The following LRP1 variants were observed in gnomAD, a reference collection of about 807,000 sequenced individuals.
LRP1 encodes the protein LDL receptor related protein 1.
Under a neutral mutation model 541.5 loss-of-function variants are expected in LRP1, and 51 were observed. That is an observed-to-expected ratio of 0.09 (90% CI 0.08 to 0.12). The LOEUF (loss-of-function observed/expected upper bound fraction) is 0.12, where lower values mean the gene tolerates loss of function less well. LRP1 is among the 10% of genes least tolerant of loss of function. The pLI is 1.00. For synonymous variants in LRP1, 2,219 were observed against 2,470.8 expected, an observed-to-expected ratio of 0.90 and a Z score of 3.02; for missense variants, 3,878 against 6,376.2, an observed-to-expected ratio of 0.61 and a Z score of 13.34.
rs143655914 is a variant in LRP1, at chr12:57,178,280, C to T, written c.4362-79C>T. On this transcript the variant is annotated intron_variant, in intron 26 of 88. Transcript: ENST00000243077. The surrounding 1 kb of genome is among the most constrained non-coding windows in gnomAD (Gnocchi z 5.8). The stretch of plus-strand genomic sequence containing the variant: ...CGCTGGGAGGGCTGTGGCCAGGGCC[C>T]AGAGGGTGGGCACCTGGGCAGAGCT... The T allele has an allele frequency of 5.3e-5, 82 of 1,541,136 alleles. No homozygotes were observed. The African/African-American group carries it at 8.9e-4, about 17-fold the overall frequency.
chr12:57,165,706 T>C lies in LRP1; in HGVS notation c.2531-99T>C. 1 of 1,264,874 alleles carries C rather than the reference T, an allele frequency of 7.9e-7. No individual in the cohort carries two copies. The highest frequency in any genetic ancestry group is 1.1e-6 in the Non-Finnish European group (1 of 907,984). 78.4% of individuals were successfully genotyped at this position (1,264,874 alleles called of 1,614,324 possible). ...ACTAGAAAAAATTACTTTGTATTAT[T>C]AAAAAATAGTAAAACAAACAAAAAT... On this transcript the variant is annotated intron_variant, in intron 15 of 88. Coordinates refer to ENST00000243077, the MANE Select transcript of LRP1 (RefSeq NM_002332.3). The surrounding 1 kb of genome is among the most constrained non-coding windows in gnomAD (Gnocchi z 4.5).
rs767836952 is a variant in LRP1, at chr12:57,202,563, C to A, written c.10711+26C>A. On this transcript the variant is annotated intron_variant, in intron 68 of 88. Transcript: ENST00000243077. The stretch of plus-strand genomic sequence containing the variant: ...GTACGTCCCCACCCACCCAGCCCCG[C>A]ATGAGCCCCTCCCAGGCCTGGCCCT... 9 of 1,494,730 alleles carry A rather than the reference C, an allele frequency of 6.0e-6. No homozygotes were observed. In the African/African-American group the frequency reaches 7.1e-5, roughly 12 times the overall value. The allele number at this position is 1,494,730 out of a possible 1,614,324, so 92.6% of individuals were successfully genotyped here.
At chr12:57,143,926 G>A (rs1195707498) in intron 4 of LRP1, 128 bp downstream of exon 4, 27 of 1,243,306 alleles carry the variant, frequency 2.2e-5, no homozygotes, top group Admixed American at 2.8e-5. Flanking sequence ...CAAGAGAGGG[G>A]GTGCCACCAC....
intron 3 of LRP1, 67 bp from the exon 4 acceptor site, chr12:57,143,612 G>C (rs1160798331): frequency 3.8e-6 from 6 of 1,565,270 alleles, no homozygotes; most frequent in African/African-American, 1.3e-5. Context: ...TTTAGGGGAA[G>C]GTTGTGGCCT....
Position 57,179,930 on chromosome 12 carries a change from T to G in LRP1, c.5115T>G (p.His1705Gln). 4 of 1,614,102 alleles carry G rather than the reference T, an allele frequency of 2.5e-6. No homozygotes were observed. The highest frequency in any genetic ancestry group is 3.4e-6 in the Non-Finnish European group (4 of 1,180,014). The change falls in exon 30 of 89, where the codon CAT (histidine) becomes CAG (glutamine). Residue 1705 changes from histidine (H) to glutamine (Q), a missense_variant. Transcript: ENST00000243077. The surrounding 1 kb of genome is among the most constrained non-coding windows in gnomAD (Gnocchi z 6.8). The stretch of plus-strand genomic sequence containing the variant: ...TGGTGCAGGGCCTGGAGCAGCCCCA[T>G]GGCCTTGTCGTCCACCCTCTGCGTG... Reference protein sequence around the residue: ...NAVVQGLEQPHGLVVHPLRGK... With the variant: ...NAVVQGLEQPQGLVVHPLRGK...
Position 57,201,763 on chromosome 12 carries a change from T to C in LRP1, c.10469-17T>C. On this transcript the variant is annotated splice_polypyrimidine_tract_variant and intron_variant, in intron 66 of 88. Coordinates refer to ENST00000243077, the MANE Select transcript of LRP1 (RefSeq NM_002332.3). This position sits in a 1 kb window ranked among gnomAD's most constrained non-coding sequence, Gnocchi z 6.4. ...TGGAAGGAGTCTCATCCTCACCCCA[T>C]GCCCACCCGCTTGCAGCCCAGATGA... 1.2e-6 allele frequency: 2 copies of C among 1,613,564 alleles called. No individual in the cohort carries two copies. The highest frequency in any genetic ancestry group is 1.7e-6 in the Non-Finnish European group (2 of 1,179,748).
In LRP1 at chr12:57,197,794, G is replaced by A. The variant is rs907709744; in HGVS notation, c.9282+130G>A. On this transcript the variant is annotated intron_variant, in intron 58 of 88. Coordinates refer to ENST00000243077, the MANE Select transcript of LRP1 (RefSeq NM_002332.3). The surrounding 1 kb of genome is among the most constrained non-coding windows in gnomAD (Gnocchi z 4.5). ...TCCACTAGTCACTATATGACTGCTT[G>A]TTCTAGCTGCTCACTCTCCTCTGGG... 2.8e-6 allele frequency: 3 copies of A among 1,057,898 alleles called. No individual in the cohort carries two copies. Among genetic ancestry groups the A allele is most frequent in the Non-Finnish European group, 2.7e-6 (2 of 743,456 alleles). The allele number at this position is 1,057,898 out of a possible 1,614,324, so 65.5% of individuals were successfully genotyped here. A position where few individuals can be genotyped will look rare whatever the true frequency, so the allele number is the denominator to read the frequency against.
At position 57,201,555 on chromosome 12, in the gene LRP1, C is replaced by G; in HGVS notation, c.10404C>G (p.Pro3468=). Residue 3468 remains proline, a synonymous_variant, in exon 66 of 89, where the codon CCC becomes CCG. Transcript: ENST00000243077. This position sits in a 1 kb window ranked among gnomAD's most constrained non-coding sequence, Gnocchi z 6.4. ...GCTCCATTACCAAACGGTGCATCCC[C>G]CGGGTCTGGGTCTGCGACCGGGACA... ...FQCSITKRCI[P]RVWVCDRDND... is the part of the protein sequence containing the mutation. 1 of 1,614,100 alleles carries G rather than the reference C, an allele frequency of 6.2e-7. No individual in the cohort carries two copies. The highest frequency in any genetic ancestry group is 8.5e-7 in the Non-Finnish European group (1 of 1,180,012).
chr12:57,193,584 A>G lies in LRP1; in HGVS notation c.7703A>G (p.Lys2568Arg), dbSNP rs755302267. The G allele has an allele frequency of 5.0e-6, 8 of 1,613,994 alleles. No individual in the cohort carries two copies. In the Admixed American group the frequency reaches 5.0e-5, roughly 10 times the overall value. ...TTTGCAGACTCCCGCCGCTGCAAGA[A>G]GACTTTCCGGCAGTGCAGCAATGGG... ...PSYCNSRRCK[K>R]TFRQCSNGRC... The change falls in exon 47 of 89, where the codon AAG becomes AGG. Residue 2568 changes from lysine (K) to arginine (R), a missense_variant. Physicochemically the swap from Lys to Arg is conservative, Grantham distance 26 (BLOSUM62 2). This residue lies in a region of LRP1 where 1,100 missense variants were observed against 1,827.4 expected (regional missense o/e 0.60). Transcript: ENST00000243077.
intron 70 of LRP1, chr12:57,203,888 G>A (rs1245358844): frequency 4.1e-6 from 1 of 245,914 alleles, no homozygotes; most frequent in East Asian, 9.2e-5. Flanking sequence ...CCCTTCCTGG[G>A]GGCAGTGAGA....
Position 57,212,704 on chromosome 12 carries a change from C to G in LRP1, c.*149C>G, listed in dbSNP as rs1592669175. The G allele has an allele frequency of 1.2e-6, 1 of 833,126 alleles. No individual in the cohort carries two copies. The highest frequency in any genetic ancestry group is 3.1e-5 in the Admixed American group (1 of 32,434). 51.6% of individuals were successfully genotyped at this position (833,126 alleles called of 1,614,324 possible). A position where few individuals can be genotyped will look rare whatever the true frequency, so the allele number is the denominator to read the frequency against. ...GAATTACATTTTATATGTGAGCGAGCAAGCCGGCAAGCGAGCACAGTATTA... is the reference window on the plus strand; with the variant it reads ...GAATTACATTTTATATGTGAGCGAGGAAGCCGGCAAGCGAGCACAGTATTA... On this transcript the variant is annotated 3_prime_UTR_variant, in exon 89 of 89. Transcript: ENST00000243077. The surrounding 1 kb of genome is among the most constrained non-coding windows in gnomAD (Gnocchi z 5.0).
intron 1 of LRP1, chr12:57,132,267 G>C (rs2035052825): frequency 6.6e-6 from 1 of 152,256 alleles, no homozygotes; most frequent in Admixed American, 6.5e-5. Context: ...CCCTCCCTGG[G>C]AAAGAGGTGA....
intron 8 of LRP1, chr12:57,155,141 G>A (rs1428400685): frequency 2.9e-6 from 1 of 341,736 alleles, no homozygotes; most frequent in East Asian, 6.3e-5. Flanking sequence ...TGAGCAACCA[G>A]CCCAGTTTGC....
chr12:57,129,589 C>T (rs1048430187), intron 1 of LRP1, among the ~76,000 whole-genome samples: 2 of 152,172 alleles, frequency 1.3e-5, no homozygotes, highest in African/African-American at 2.4e-5. Flanking sequence ...GACCCCAGAG[C>T]CCCGGCTGGA....
rs572802105 is a variant in LRP1 at position 57,200,237 on chromosome 12, C to T, written c.10015-205C>T. On this transcript the variant is annotated intron_variant, in intron 62 of 88. Coordinates refer to ENST00000243077, the MANE Select transcript of LRP1 (RefSeq NM_002332.3). ...ACACCTCCACACCCTAACCTTGACC[C>T]TCCTTGCCATGCTTCAGTGCTGCCT... The T allele has an allele frequency of 4.8e-4, 309 of 638,718 alleles. 1 individual carries two copies. In the African/African-American group the frequency reaches 5.2e-3, roughly 11 times the overall value. The allele number at this position is 638,718 out of a possible 1,614,324, so 39.6% of individuals were successfully genotyped here. A position where few individuals can be genotyped will look rare whatever the true frequency, so the allele number is the denominator to read the frequency against.
In LRP1 at chr12:57,199,864, T is replaced by C. The variant is rs987382846; in HGVS notation, c.9866-13T>C. On this transcript the variant is annotated splice_polypyrimidine_tract_variant and intron_variant, in intron 61 of 88. Coordinates refer to ENST00000243077, the MANE Select transcript of LRP1 (RefSeq NM_002332.3). Reference sequence around the variant, plus strand: ...GAAAATGTCACCATATTTCACGACGTTTTCTCTGGCAGTGCCCAATCACCC... The same window carrying C: ...GAAAATGTCACCATATTTCACGACGCTTTCTCTGGCAGTGCCCAATCACCC... The C allele has an allele frequency of 2.5e-6, 4 of 1,576,522 alleles. No homozygotes were observed. The highest frequency in any genetic ancestry group is 3.4e-6 in the Non-Finnish European group (4 of 1,163,840).
chr12:57,198,409 C>T (rs777673806), intron 59 of LRP1, 56 bp from the exon 60 acceptor site: 43 of 1,604,752 alleles, frequency 2.7e-5, no homozygotes, highest in Non-Finnish European at 3.4e-5. Context: ...TCCCTGCAGG[C>T]CACTGGTGCG....
At chr12:57,182,385 C>T (rs1464037919) in intron 34 of LRP1, among the ~76,000 whole-genome samples, 1 of 151,980 alleles carries the variant, frequency 6.6e-6, no homozygotes, top group Admixed American at 6.6e-5. Flanking sequence ...GTGGTGGGCA[C>T]CTGTAATCCC....
intron 77 of LRP1, 127 bp from the exon 78 acceptor site, chr12:57,208,581 TAGA>T (rs35094894): frequency 0.016 from 10,149 of 626,048 alleles, 135 homozygotes; most frequent in Non-Finnish European, 0.022. Context: ...TGCTTCTCTG[TAGA>T]AGGACAGAAT....
Sources: gnomAD v4.1 joint callset for allele counts (sites outside exome capture counted in the v4.1 genomes callset) on GRCh38, gnomAD v4.1.1 for gene constraint, gnomAD v4.1.1 regional missense constraint, Gnocchi (gnomAD v3.1) non-coding constraint, MANE v1.5 for transcripts, NCBI Gene and HGNC (gene_info 2026-07-23, HGNC 2026-07-21) for gene names.